DSCAM: variants seen among roughly 807,000 people sequenced by gnomAD.
DSCAM encodes the protein DS cell adhesion molecule.
DSCAM carries 47 observed loss-of-function variants against 217.7 expected under a neutral mutation model. The observed-to-expected ratio is 0.22, with a 90% CI of 0.17 to 0.28. DSCAM has a LOEUF of 0.28. Among genes scored for constraint, DSCAM ranks in the 10% least tolerant of loss-of-function variants. The pLI, the probability that DSCAM is intolerant of heterozygous loss-of-function variation, is 1.00. For missense variants in DSCAM, 2,080 were observed against 2,618.3 expected (o/e 0.79, Z 4.49); for synonymous variants, 1,056 against 1,015.3 (o/e 1.04, Z -0.76).
intron 2 of DSCAM, among the ~76,000 whole-genome samples, chr21:40,698,642 G>C (rs1162166153): frequency 6.6e-6 from 1 of 152,080 alleles, no homozygotes; most frequent in African/African-American, 2.4e-5. Context: ...GGCCGAGGTG[G>C]GCAGATCACC....
At chr21:40,765,267 C>T (rs35669839) in intron 1 of DSCAM, among the ~76,000 whole-genome samples, 47,480 of 151,970 alleles carry the variant, frequency 0.31, 8,601 homozygotes, top group Non-Finnish European at 0.4. Flanking sequence ...TCTTCCATGC[C>T]CAATTCCTTG....
At chr21:40,244,869 A>G (rs1029933493) in intron 11 of DSCAM, among the ~76,000 whole-genome samples, 12 of 152,206 alleles carry the variant, frequency 7.9e-5, no homozygotes, top group African/African-American at 2.9e-4. Context: ...TATGATTTGC[A>G]TGCAGAAGTA....
chr21:40,390,975 A>G (rs12481796), intron 3 of DSCAM, among the ~76,000 whole-genome samples: 15,782 of 152,152 alleles, frequency 0.1, 1,162 homozygotes, highest in Admixed American at 0.25. Context: ...ACAAGCTTAA[A>G]ATAAAAGAAA....
At chr21:40,182,075 C>T (rs1231152794) in intron 14 of DSCAM, among the ~76,000 whole-genome samples, 1 of 151,972 alleles carries the variant, frequency 6.6e-6, no homozygotes, top group African/African-American at 2.4e-5. Context: ...CCAGTGGATG[C>T]AAGAGCAACA....
At chr21:40,498,694 TATAGATATATATATATGG>T (rs2076142711) in intron 3 of DSCAM, among the ~76,000 whole-genome samples, 1 of 5,794 alleles carries the variant, frequency 1.7e-4, no homozygotes, top group African/African-American at 1.6e-3. Flanking sequence ...TATATATATA[TATAGATATATATATATGG>T]GTGTATATAT....
rs1467122943 is a variant in DSCAM, at chr21:40,167,208, C to T, written c.3018+10G>A. 1.9e-6 allele frequency: 3 copies of T among 1,613,522 alleles called. No individual in the cohort carries two copies. The highest frequency in any genetic ancestry group is 1.7e-5 in the Admixed American group (1 of 59,972). ...AAAGCACCGAGAATACAAATGTTTG[C>T]TGAGTTTACCTTCCATGTGACCCTG... On this transcript the variant is annotated intron_variant, in intron 16 of 32. Coordinates refer to ENST00000400454, the MANE Select transcript of DSCAM (RefSeq NM_001389.5).
At chr21:40,247,881 T>G (rs2073248080) in intron 11 of DSCAM, among the ~76,000 whole-genome samples, 1 of 152,182 alleles carries the variant, frequency 6.6e-6, no homozygotes, top group African/African-American at 2.4e-5. Context: ...TGCAGCGAAC[T>G]TTTGCCTGGG....
intron 3 of DSCAM, among the ~76,000 whole-genome samples, chr21:40,563,033 C>G (rs149324330): frequency 6.6e-6 from 1 of 152,162 alleles, no homozygotes; most frequent in Non-Finnish European, 1.5e-5. Flanking sequence ...GACAATCGCC[C>G]GGATTTGCTG....
intron 1 of DSCAM, among the ~76,000 whole-genome samples, chr21:40,752,974 G>A (rs895044859): frequency 6.6e-6 from 1 of 152,112 alleles, no homozygotes; most frequent in Non-Finnish European, 1.5e-5. Context: ...GGACTTACAT[G>A]GCTAACACCC....
chr21:40,214,469 T>TC (rs2091220311), intron 11 of DSCAM, among the ~76,000 whole-genome samples: 2 of 152,212 alleles, frequency 1.3e-5, no homozygotes, highest in Admixed American at 1.3e-4. Context: ...TTGTTAGCAT[T>TC]CCTTTTCCAC....
intron 3 of DSCAM, among the ~76,000 whole-genome samples, chr21:40,461,216 A>G (rs2075803378): frequency 6.6e-6 from 1 of 152,258 alleles, no homozygotes; most frequent in African/African-American, 2.4e-5. Context: ...TTATACATGC[A>G]TAGAGTAGCT....
At chr21:40,278,387 C>T (rs2073716848) in intron 10 of DSCAM, among the ~76,000 whole-genome samples, 1 of 152,106 alleles carries the variant, frequency 6.6e-6, no homozygotes, top group Non-Finnish European at 1.5e-5. Flanking sequence ...GCCACTGAGT[C>T]ATGAAAGTAG....
intron 3 of DSCAM, among the ~76,000 whole-genome samples, chr21:40,528,666 G>A (rs1176359434): frequency 1.3e-5 from 2 of 152,038 alleles, no homozygotes; most frequent in Admixed American, 6.5e-5. Context: ...AAGGTCACAA[G>A]CCTTGAGGGA....
chr21:40,208,725 C>T lies in DSCAM; in HGVS notation c.2357-19487G>A, dbSNP rs148030831. Among the ~76,000 whole-genome samples, 120 of 152,224 alleles carry T rather than the reference C, an allele frequency of 7.9e-4. 1 individual carries two copies. Among genetic ancestry groups the T allele is most frequent in the African/African-American group, 3.4e-4 (14 of 41,538 alleles). ...AAGATCTCCTGACATAACTGTTATC[C>T]GTAGGGGGTTCCATTTAGCCCTACA... On this transcript the variant is annotated intron_variant, in intron 11 of 32. Coordinates refer to ENST00000400454, the MANE Select transcript of DSCAM (RefSeq NM_001389.5).
chr21:40,175,728 T>G (rs1407649868), intron 15 of DSCAM, among the ~76,000 whole-genome samples: 1 of 150,594 alleles, frequency 6.6e-6, no homozygotes, highest in African/African-American at 2.5e-5. Flanking sequence ...CAGGGCACCC[T>G]TCAGAATTTC....
intron 3 of DSCAM, among the ~76,000 whole-genome samples, chr21:40,626,865 A>G (rs1335051764): frequency 6.6e-6 from 1 of 152,252 alleles, no homozygotes; most frequent in Non-Finnish European, 1.5e-5. Flanking sequence ...AAACTTCTCA[A>G]TGGGGTCAAA....
At chr21:40,072,616 A>AG in intron 27 of DSCAM, among the ~76,000 whole-genome samples, 2 of 152,092 alleles carry the variant, frequency 1.3e-5, no homozygotes, top group East Asian at 1.9e-4. Context: ...CCAAAGTGCT[A>AG]GGATTACAGG....
intron 20 of DSCAM, among the ~76,000 whole-genome samples, chr21:40,112,995 G>C (rs1042684376): frequency 8.5e-5 from 13 of 152,170 alleles, no homozygotes; most frequent in Admixed American, 3.3e-4. Context: ...GTACAAGGAG[G>C]AGCTGGTACC....
intron 4 of DSCAM, among the ~76,000 whole-genome samples, chr21:40,353,987 A>G (rs1344624715): frequency 6.6e-6 from 1 of 152,244 alleles, no homozygotes; most frequent in East Asian, 1.9e-4. Flanking sequence ...GTAAATGAAT[A>G]AAAGATCCAG....
Sources: allele counts gnomAD v4.1 joint callset (sites outside exome capture counted in the v4.1 genomes callset), GRCh38; gene constraint gnomAD v4.1.1; transcripts MANE v1.5; gene names NCBI Gene and HGNC (gene_info 2026-07-23, HGNC 2026-07-21).